The following NFIB variants were observed in gnomAD, a reference collection of about 807,000 sequenced individuals.
NFIB encodes nuclear factor 1 B-type.
NFIB carries 11 observed loss-of-function variants against 61.5 expected under a neutral mutation model. The ratio of observed to expected loss-of-function variants is 0.18; its 90% CI spans 0.11 to 0.30. NFIB has a LOEUF of 0.30. Among genes scored for constraint, NFIB ranks in the 10% least tolerant of loss-of-function variants. The probability of loss-of-function intolerance (pLI) is 1.00; values close to 1 mark genes in which losing one functional copy is unlikely to be tolerated. For missense variants in NFIB, 471 were observed against 608.9 expected, an observed-to-expected ratio of 0.77 and a Z score of 2.38; for synonymous variants, 260 against 216.5, an observed-to-expected ratio of 1.20 and a Z score of -1.76.
At chr9:14,499,319 C>T in the NFIB span, among the ~76,000 whole-genome samples, 1 of 152,054 alleles carries the variant, frequency 6.6e-6, no homozygotes, top group Non-Finnish European at 1.5e-5. Context: ...AGAGAGGACC[C>T]AGCCCAAGGA....
chr9:14,473,399 A>C, the NFIB span, among the ~76,000 whole-genome samples: 5 of 144,502 alleles, frequency 3.5e-5, no homozygotes, highest in Admixed American at 1.4e-4. Context: ...GAAAGCCATG[A>C]AGAGGTTCCC....
chr9:14,435,237 C>G, the NFIB span, among the ~76,000 whole-genome samples: 1 of 152,176 alleles, frequency 6.6e-6, no homozygotes, highest in African/African-American at 2.4e-5. Context: ...GAGGGCAAAC[C>G]AAATCTCCTG....
the NFIB span, among the ~76,000 whole-genome samples, chr9:14,410,972 C>T: frequency 2.0e-5 from 3 of 152,116 alleles, no homozygotes; most frequent in Non-Finnish European, 4.4e-5. Context: ...TTGCAAAGGT[C>T]AGTATATTTT....
Position 14,178,944 on chromosome 9 carries a change from C to T in NFIB, c.616+783G>A, listed in dbSNP as rs532164467. ...AGGTGGGGGGCATGTGTAGCTGGTT[C>T]GGGGTTTTTGTGTTTGGTTTTGTTT... On this transcript the variant is annotated intron_variant, in intron 3 of 10. Transcript: ENST00000380953. 4.6e-5 allele frequency among the ~76,000 whole-genome samples: 7 copies of T among 152,022 alleles called. No individual in the cohort carries two copies. In the South Asian group the frequency reaches 1.5e-3, roughly 32 times the overall value.
chr9:14,092,680 A>C (rs1051490092), intron 10 of NFIB, among the ~76,000 whole-genome samples: 4 of 152,084 alleles, frequency 2.6e-5, no homozygotes, highest in Non-Finnish European at 5.9e-5. Flanking sequence ...GAAAGAGACT[A>C]GTGCACAGAA....
chr9:14,198,828 C>A (rs183891912), intron 2 of NFIB, among the ~76,000 whole-genome samples: 1 of 152,284 alleles, frequency 6.6e-6, no homozygotes, highest in East Asian at 1.9e-4. Context: ...GTCCTGAAAA[C>A]ACAAACAAAC....
intron 1 of NFIB, among the ~76,000 whole-genome samples, chr9:14,382,072 G>A (rs2061494550): frequency 6.6e-6 from 1 of 152,146 alleles, no homozygotes; most frequent in African/African-American, 2.4e-5. Flanking sequence ...CTTTCGACTA[G>A]CTTGTCTCTC....
chr9:14,466,865 G>C, the NFIB span, among the ~76,000 whole-genome samples: 7 of 152,286 alleles, frequency 4.6e-5, no homozygotes, highest in African/African-American at 1.4e-4. Flanking sequence ...CTGGCTTTTA[G>C]CCCCACTGAA....
intron 2 of NFIB, among the ~76,000 whole-genome samples, chr9:14,295,665 G>C (rs566994371): frequency 1.4e-3 from 156 of 113,228 alleles, no homozygotes; most frequent in African/African-American, 4.5e-3. Context: ...AACAAACAAA[G>C]CACTATCCCA....
At chr9:14,261,119 C>G (rs2056711050) in intron 2 of NFIB, among the ~76,000 whole-genome samples, 1 of 152,266 alleles carries the variant, frequency 6.6e-6, no homozygotes, top group South Asian at 2.1e-4. Flanking sequence ...GAATTTGAGA[C>G]CAGCCTGGCC....
the NFIB span, among the ~76,000 whole-genome samples, chr9:14,416,189 A>T: frequency 6.6e-6 from 1 of 152,206 alleles, no homozygotes; most frequent in Non-Finnish European, 1.5e-5. Context: ...AACCACATAT[A>T]CCATAATGGT....
rs762584581 is a variant in NFIB, at chr9:14,187,005, CTG to C, written c.563-7227_563-7226del. Among the ~76,000 whole-genome samples, 278 of 63,934 alleles carry C rather than the reference CTG, an allele frequency of 4.3e-3. 1 individual carries two copies. Among genetic ancestry groups the C allele is most frequent in the Middle Eastern group, 0.036 (3 of 84 alleles). 41.9% of individuals were successfully genotyped at this position (63,934 alleles called of 152,430 possible). On this transcript the variant is annotated intron_variant, in intron 2 of 10. Coordinates refer to ENST00000380953, the MANE Select transcript of NFIB (RefSeq NM_001190737.2). ...TCTCTCCCTCCTTCATTCTTCGCTC[CTG>C]TGTGTGTGTGTGTGTGTGTATGTGT...
chr9:14,242,522 A>G (rs921992117), intron 2 of NFIB, among the ~76,000 whole-genome samples: 12 of 152,350 alleles, frequency 7.9e-5, no homozygotes, highest in Non-Finnish European at 1.6e-4. Context: ...TTAGAATTTA[A>G]TAAAAATTGA....
chr9:14,296,955 GC>G (rs1437883015), intron 2 of NFIB, among the ~76,000 whole-genome samples: 5 of 152,162 alleles, frequency 3.3e-5, no homozygotes, highest in Non-Finnish European at 7.3e-5. Flanking sequence ...CAAGATCTAA[GC>G]CCCGCCTTTC....
At chr9:14,454,847 T>C in the NFIB span, among the ~76,000 whole-genome samples, 1 of 152,218 alleles carries the variant, frequency 6.6e-6, no homozygotes, top group Non-Finnish European at 1.5e-5. Flanking sequence ...GCAGAAGCTT[T>C]AAAGGTTTTC....
At chr9:14,172,725 C>G (rs2382445) in intron 3 of NFIB, among the ~76,000 whole-genome samples, 151,608 of 152,338 alleles carry the variant, frequency 1, 75,446 homozygotes, top group Middle Eastern at 1. Context: ...TCTGTAACTT[C>G]GGTATGTCAT....
At chr9:14,321,662 C>T (rs2060663460) in intron 1 of NFIB, among the ~76,000 whole-genome samples, 1 of 152,126 alleles carries the variant, frequency 6.6e-6, no homozygotes, top group African/African-American at 2.4e-5. Context: ...AGATTCTGCA[C>T]CGTTTGGACC....
chr9:14,341,732 T>TG (rs2060952770), intron 1 of NFIB, among the ~76,000 whole-genome samples: 1 of 152,158 alleles, frequency 6.6e-6, no homozygotes, highest in Non-Finnish European at 1.5e-5. Context: ...CAATTGAAGC[T>TG]GGGGGCTCAT....
At chr9:14,347,045 C>A (rs2061033024) in intron 1 of NFIB, among the ~76,000 whole-genome samples, 1 of 151,874 alleles carries the variant, frequency 6.6e-6, no homozygotes, top group South Asian at 2.1e-4. Flanking sequence ...AGCCCCTGGC[C>A]CCCACTCGGG....
Sources: gnomAD v4.1 joint callset for allele counts (sites outside exome capture counted in the v4.1 genomes callset) on GRCh38, gnomAD v4.1.1 for gene constraint, MANE v1.5 for transcripts, NCBI Gene and HGNC (gene_info 2026-07-23, HGNC 2026-07-21) for gene names.